Variants in CTCFL observed in about 807,000 individuals in gnomAD.
The protein encoded by CTCFL is transcriptional repressor CTCFL.
In CTCFL, 36 loss-of-function variants were observed where a neutral mutation model predicts 67.4. The ratio of observed to expected loss-of-function variants is 0.53; its 90% CI spans 0.41 to 0.71. CTCFL has a LOEUF of 0.71. Ranked by LOEUF, CTCFL falls within the 30% of genes least tolerant of loss-of-function variation. The pLI is 0.00. For synonymous variants in CTCFL, 324 were observed against 302.3 expected (o/e 1.07, Z -0.75); for missense variants, 786 against 835.2 (o/e 0.94, Z 0.73).
intron 6 of CTCFL, 57 bp downstream of exon 6, chr20:57,515,657 A>T: frequency 6.2e-7 from 1 of 1,607,866 alleles, no homozygotes; most frequent in Non-Finnish European, 8.5e-7. Context: ...AATTTTTTAA[A>T]GCTTGCTTTA....
In CTCFL at chr20:57,515,686, A is replaced by G. The variant is rs764179360; in HGVS notation, c.1180+28T>C. ...TGCTTTAAGAGTTAACACTGTAGGT[A>G]TCAGGCCTTCAGCACCAGAGCCCTT... On this transcript the variant is annotated intron_variant, in intron 6 of 10. Coordinates refer to ENST00000243914, the MANE Select transcript of CTCFL (RefSeq NM_001386993.1). The G allele has an allele frequency of 5.0e-6, 8 of 1,614,004 alleles. No individual in the cohort carries two copies. The African/African-American group carries it at 5.3e-5, about 11-fold the overall frequency.
chr20:57,499,571 T>G (rs1170271890), intron 10 of CTCFL: 2 of 157,418 alleles, frequency 1.3e-5, no homozygotes. Flanking sequence ...ACATTTCTTA[T>G]GTACTTTATT....
intron 9 of CTCFL, chr20:57,507,174 C>A: frequency 2.0e-5 from 8 of 409,212 alleles, no homozygotes; most frequent in Non-Finnish European, 2.4e-5. Flanking sequence ...TGGTTCATTT[C>A]TTGTGACTAG....
rs1361197272 is a variant in CTCFL at position 57,517,319 on chromosome 20, C to T, written c.1059+1439G>A. Among the ~76,000 whole-genome samples the T allele has an allele frequency of 2.1e-5, 3 of 145,676 alleles. 1 individual carries two copies. Among genetic ancestry groups the T allele is most frequent in the Non-Finnish European group, 4.5e-5 (3 of 66,850 alleles). ...TTTTTTTTGGAGACGGTGTCTCACT[C>T]TCGTCCAGACTGGAGTGCGCGATTT... On this transcript the variant is annotated intron_variant, in intron 5 of 10. Coordinates refer to ENST00000243914, the MANE Select transcript of CTCFL (RefSeq NM_001386993.1).
rs1411259743 is a variant in CTCFL, at chr20:57,498,658, G to T, written c.1884C>A (p.Phe628Leu). ...EEASTTKGEQFPGEMFPVACR... is the reference protein window; with the variant it reads ...EEASTTKGEQLPGEMFPVACR... ...AGGCGACAGGAAACATCTCTCCTGGGAACTGTTCTCCCTTCGTGGTGGAAG... is the reference window on the plus strand; with the variant it reads ...AGGCGACAGGAAACATCTCTCCTGGTAACTGTTCTCCCTTCGTGGTGGAAG... The change falls in exon 11 of 11, where the codon TTC becomes TTA. Residue 628 changes from phenylalanine to leucine, a missense_variant. Physicochemically the swap from Phe to Leu is conservative, Grantham distance 22 (BLOSUM62 0). This residue lies in a region of CTCFL where 199 missense variants were observed against 196.7 expected (regional missense o/e 1.01). Coordinates refer to ENST00000243914, the MANE Select transcript of CTCFL (RefSeq NM_001386993.1). 1.2e-6 allele frequency: 2 copies of T among 1,614,080 alleles called. No homozygotes were observed. Among genetic ancestry groups the T allele is most frequent in the Admixed American group, 1.7e-5 (1 of 59,998 alleles).
At chr20:57,505,246 A>T (rs1568854523) in intron 9 of CTCFL, among the ~76,000 whole-genome samples, 1 of 151,370 alleles carries the variant, frequency 6.6e-6, no homozygotes. Flanking sequence ...GAGAAGACAA[A>T]ATTTATTTAT....
Position 57,519,451 on chromosome 20 carries a change from C to T in CTCFL, c.755-74G>A, listed in dbSNP as rs1409780096. On this transcript the variant is annotated intron_variant, in intron 3 of 10. Coordinates refer to ENST00000243914, the MANE Select transcript of CTCFL (RefSeq NM_001386993.1). ...TTAAATACTTGAAAGTAAATCAGCA[C>T]ATCGTCCTTTCAACTAACGTGGGAA... 3.7e-6 allele frequency: 5 copies of T among 1,351,790 alleles called. No individual in the cohort carries two copies. The East Asian group carries it at 1.2e-4, about 31-fold the overall frequency. The allele number at this position is 1,351,790 out of a possible 1,614,324, so 83.7% of individuals were successfully genotyped here.
intron 3 of CTCFL, 34 bp downstream of exon 3, chr20:57,523,034 T>C (rs1253474427): frequency 6.4e-7 from 1 of 1,552,276 alleles, no homozygotes; most frequent in Admixed American, 1.8e-5. Flanking sequence ...AGCCCAGTTT[T>C]AGGGAGTGTA....
chr20:57,521,295 T>C (rs1600680214), intron 3 of CTCFL, among the ~76,000 whole-genome samples: 1 of 152,154 alleles, frequency 6.6e-6, no homozygotes, highest in East Asian at 1.9e-4. Flanking sequence ...AAGTGACCAA[T>C]GAAAACATGA....
chr20:57,498,651 C>G lies in CTCFL; in HGVS notation c.1891G>C (p.Glu631Gln). Residue 631 changes from glutamate (E) to glutamine (Q), a missense_variant, in exon 11 of 11, where the codon GAG (glutamate) becomes CAG (glutamine). Coordinates refer to ENST00000243914, the MANE Select transcript of CTCFL (RefSeq NM_001386993.1). ...TCTCTGCAGGCGACAGGAAACATCTCTCCTGGGAACTGTTCTCCCTTCGTG... is the reference window on the plus strand; with the variant it reads ...TCTCTGCAGGCGACAGGAAACATCTGTCCTGGGAACTGTTCTCCCTTCGTG... The part of the protein sequence containing the change: ...STTKGEQFPG[E>Q]MFPVACRETT... The G allele has an allele frequency of 4.3e-6, 7 of 1,614,122 alleles. No individual in the cohort carries two copies. Among genetic ancestry groups the G allele is most frequent in the African/African-American group, 1.3e-5 (1 of 75,036 alleles).
rs748397040 is a variant in CTCFL at position 57,523,768 on chromosome 20, T to C, written c.438A>G (p.Gln146=). 1 of 1,613,408 alleles carries C rather than the reference T, an allele frequency of 6.2e-7. No individual in the cohort carries two copies. The highest frequency in any genetic ancestry group is 1.3e-5 in the African/African-American group (1 of 75,060). Residue 146 remains glutamine (Q), a synonymous_variant, in exon 2 of 11, where the codon CAA becomes CAG. Transcript: ENST00000243914. ...ISIQQELYSP[Q]EMEVLQFHAL... ...CGTGGAACTGCAACACCTCCATCTC[T>C]TGCGGGGAGTACAGCTCTTGCTGGA...
chr20:57,497,598 G>GA lies in CTCFL; in HGVS notation c.*951dup, dbSNP rs2067741998. 1 of 985,260 alleles carries GA rather than the reference G, an allele frequency of 1.0e-6. No individual in the cohort carries two copies. The highest frequency in any genetic ancestry group is 1.2e-6 in the Non-Finnish European group (1 of 829,938). The allele number at this position is 985,260 out of a possible 1,614,324, so 61.0% of individuals were successfully genotyped here. On this transcript the variant is annotated 3_prime_UTR_variant, in exon 11 of 11. Transcript: ENST00000243914. ...GCATCTCTCACGCTGCTCGAGGGTG[G>GA]AAAAATCTTGTCAACTGGCAAAAGG...
chr20:57,505,278 C>T (rs900730007), intron 9 of CTCFL, among the ~76,000 whole-genome samples: 4 of 151,612 alleles, frequency 2.6e-5, no homozygotes, highest in Non-Finnish European at 2.9e-5. Flanking sequence ...TTTTTTGAGA[C>T]GGAGTCTTGC....
chr20:57,499,953 G>C (rs1484477205), intron 10 of CTCFL: 1 of 986,282 alleles, frequency 1.0e-6, no homozygotes, highest in Non-Finnish European at 1.2e-6. Context: ...CACGGCTGGG[G>C]GGTTGGGGAG....
At chr20:57,511,613 A>G (rs1420103493) in intron 8 of CTCFL, among the ~76,000 whole-genome samples, 1 of 143,778 alleles carries the variant, frequency 7.0e-6, no homozygotes, top group Non-Finnish European at 1.5e-5. Context: ...TTTTTTTGAG[A>G]TGGAGTTTTG....
intron 10 of CTCFL, among the ~76,000 whole-genome samples, chr20:57,501,681 CGGA>C (rs2067924185): frequency 6.6e-6 from 1 of 152,030 alleles, no homozygotes; most frequent in Non-Finnish European, 1.5e-5. Context: ...CAGGAGCTGG[CGGA>C]GGATGGCGGG....
intron 7 of CTCFL, chr20:57,513,251 C>T (rs1190153349): frequency 6.1e-6 from 6 of 985,264 alleles, no homozygotes; most frequent in Non-Finnish European, 4.8e-6. Context: ...ATAATCCACT[C>T]GTTGTTAGAA....
chr20:57,503,309 G>C, intron 10 of CTCFL, 127 bp downstream of exon 10: 1 of 1,116,920 alleles, frequency 9.0e-7, no homozygotes, highest in African/African-American at 1.6e-5. Flanking sequence ...AAGCCACCTT[G>C]CAGGACCGAC....
At chr20:57,496,228 TC>T (rs1183814237), downstream of CTCFL, 4 of 624,748 alleles carry the variant, frequency 6.4e-6, no homozygotes, top group Non-Finnish European at 5.8e-6. Context: ...GTGTGGCGCC[TC>T]CCCCTCTCTC....
Sources: allele counts gnomAD v4.1 joint callset (sites outside exome capture counted in the v4.1 genomes callset), GRCh38; gene constraint gnomAD v4.1.1; regional missense constraint gnomAD v4.1.1; transcripts MANE v1.5; gene names NCBI Gene and HGNC (gene_info 2026-07-23, HGNC 2026-07-21).